The following PTPRN2 variants were observed in gnomAD, a reference collection of about 807,000 sequenced individuals.
The protein encoded by PTPRN2 is protein tyrosine phosphatase receptor type N2, also known as receptor-type tyrosine-protein phosphatase N2.
In PTPRN2, 74 loss-of-function variants were observed where a neutral mutation model predicts 118.8. The ratio of observed to expected loss-of-function variants is 0.62; its 90% CI spans 0.52 to 0.76. The LOEUF (loss-of-function observed/expected upper bound fraction) is 0.76, where lower values mean the gene tolerates loss of function less well. Ranked by LOEUF, PTPRN2 falls within the 30% of genes least tolerant of loss-of-function variation. PTPRN2 has a pLI of 0.00. For missense variants in PTPRN2, 1,481 were observed against 1,394.4 expected (o/e 1.06, Z -0.99); for synonymous variants, 641 against 608.0 (o/e 1.05, Z -0.80).
chr7:158,450,935 GC>G (rs546882105), intron 2 of PTPRN2, among the ~76,000 whole-genome samples: 6 of 152,244 alleles, frequency 3.9e-5, no homozygotes, highest in African/African-American at 1.2e-4. Context: ...TGCTGTCCAA[GC>G]CCCCGAGGAG....
chr7:157,955,300 T>A (rs1362403648), intron 11 of PTPRN2, among the ~76,000 whole-genome samples: 1 of 152,118 alleles, frequency 6.6e-6, no homozygotes, highest in East Asian at 1.9e-4. Context: ...AGAAAAGCAA[T>A]TCCAAGGAAC....
chr7:157,851,985 A>G (rs1809310907), intron 12 of PTPRN2, among the ~76,000 whole-genome samples: 1 of 152,208 alleles, frequency 6.6e-6, no homozygotes, highest in African/African-American at 2.4e-5. Context: ...TGTTACTCAA[A>G]TAACCACCCG....
Position 157,868,641 on chromosome 7 carries a change from C to T in PTPRN2, c.1788+30032G>A, listed in dbSNP as rs912845260. The T allele has an allele frequency of 2.6e-5, 4 of 152,228 alleles. No individual in the cohort carries two copies. The highest frequency in any genetic ancestry group is 5.9e-5 in the Non-Finnish European group (4 of 68,042). 9.4% of individuals were successfully genotyped at this position (152,228 alleles called of 1,614,324 possible). On this transcript the variant is annotated intron_variant, in intron 12 of 22. Coordinates refer to ENST00000389418, the MANE Select transcript of PTPRN2 (RefSeq NM_002847.5). This position sits in a 1 kb window ranked among gnomAD's most constrained non-coding sequence, Gnocchi z 5.2. Reference sequence around the variant, plus strand: ...GACTGGCCGGGGAAATAACTCTGAGCCCTCGAGATGAGGGGCTATGCCTTC... The same window carrying T: ...GACTGGCCGGGGAAATAACTCTGAGTCCTCGAGATGAGGGGCTATGCCTTC...
intron 11 of PTPRN2, among the ~76,000 whole-genome samples, chr7:157,992,276 C>T (rs192005608): frequency 6.6e-6 from 1 of 152,368 alleles, no homozygotes; most frequent in Admixed American, 6.5e-5. Flanking sequence ...TAAACGTGAT[C>T]AAAGACTGCA....
Position 157,548,949 on chromosome 7 carries a change from C to T in PTPRN2, c.2973G>A (p.Thr991=), listed in dbSNP as rs200754252. ...CCGGAGGAGAGACTGACAGTACCTTCGTCTGGACCATGCCGGGTCTCTGGT... is the reference window on the plus strand; with the variant it reads ...CCGGAGGAGAGACTGACAGTACCTTTGTCTGGACCATGCCGGGTCTCTGGT... The part of the protein sequence containing the change: ...LRDQRPGMVQ[T]KEQFEFALTA... The change falls in exon 22 of 23, where the codon ACG becomes ACA. Residue 991 remains threonine, a synonymous_variant. Coordinates refer to ENST00000389418, the MANE Select transcript of PTPRN2 (RefSeq NM_002847.5). 6.6e-5 allele frequency: 107 copies of T among 1,613,966 alleles called. No individual in the cohort carries two copies. The highest frequency in any genetic ancestry group is 1.3e-4 in the African/African-American group (10 of 74,932).
At chr7:157,994,554 G>T (rs56070667) in intron 11 of PTPRN2, among the ~76,000 whole-genome samples, 84,873 of 112,946 alleles carry the variant, frequency 0.75, 32,121 homozygotes, top group East Asian at 0.82. Context: ...CCTAAAATCA[G>T]CACCGCGTCC....
In PTPRN2 at chr7:157,939,230, A is replaced by C. The variant is rs372399338; in HGVS notation, c.1724-40493T>G. ...GTAAAGCACGCAGGTCCCCACCTCA[A>C]TAGCGAGGTTTCCAGTATCCAAATT... On this transcript the variant is annotated intron_variant, in intron 11 of 22. Transcript: ENST00000389418. Among the ~76,000 whole-genome samples the C allele has an allele frequency of 3.1e-4, 47 of 152,368 alleles. No homozygotes were observed. In the East Asian group the frequency reaches 6.4e-3, roughly 21 times the overall value.
intron 12 of PTPRN2, among the ~76,000 whole-genome samples, chr7:157,749,253 C>T (rs1466057444): frequency 7.3e-6 from 1 of 136,220 alleles, no homozygotes; most frequent in Non-Finnish European, 1.5e-5. Context: ...GATTCTGAGG[C>T]GTGCGTCCCT....
chr7:158,066,359 AG>A (rs1296532902), intron 11 of PTPRN2, among the ~76,000 whole-genome samples: 1 of 152,204 alleles, frequency 6.6e-6, no homozygotes, highest in African/African-American at 2.4e-5. Flanking sequence ...TGCCAGGCTC[AG>A]GGCCAGGGCC....
At chr7:157,891,772 C>T (rs1015392) in intron 12 of PTPRN2, among the ~76,000 whole-genome samples, 9 of 152,142 alleles carry the variant, frequency 5.9e-5, no homozygotes, top group South Asian at 4.1e-4. Context: ...GTGAGGGTAG[C>T]GTGAGCTGAG....
At chr7:158,149,838 C>A (rs1370463381) in intron 6 of PTPRN2, among the ~76,000 whole-genome samples, 1 of 151,066 alleles carries the variant, frequency 6.6e-6, no homozygotes, top group Non-Finnish European at 1.5e-5. Context: ...AGTGATGTCT[C>A]TTGAAAAAAC....
intron 5 of PTPRN2, among the ~76,000 whole-genome samples, chr7:158,178,874 G>A (rs1236359085): frequency 1.3e-5 from 2 of 152,128 alleles, no homozygotes; most frequent in Admixed American, 1.3e-4. Flanking sequence ...TATGATTATA[G>A]GCGTGAGCCA....
intron 2 of PTPRN2, among the ~76,000 whole-genome samples, chr7:158,485,054 G>A (rs1820907800): frequency 6.6e-6 from 1 of 152,102 alleles, no homozygotes; most frequent in Non-Finnish European, 1.5e-5. Flanking sequence ...CACCTGCGGA[G>A]GGAAGGCAGA....
At chr7:158,280,237 A>G (rs1423540878) in intron 3 of PTPRN2, among the ~76,000 whole-genome samples, 1 of 152,204 alleles carries the variant, frequency 6.6e-6, no homozygotes, top group African/African-American at 2.4e-5. Context: ...CCCGGGCCCA[A>G]TCGGAAAGCA....
Position 158,003,278 on chromosome 7 carries a change from T to C in PTPRN2, c.1723+78020A>G, listed in dbSNP as rs557635474. Among the ~76,000 whole-genome samples, 1,789 of 151,612 alleles carry C rather than the reference T, an allele frequency of 0.012. 22 individuals are homozygous for C. Among genetic ancestry groups the C allele is most frequent in the Non-Finnish European group, 0.02 (1,343 of 67,834 alleles). ...AAATACAAAAAATTAGCCGGGCGTGTTGGCGGGCGCCTGTAGTCCCAGCTA... is the reference window on the plus strand; with the variant it reads ...AAATACAAAAAATTAGCCGGGCGTGCTGGCGGGCGCCTGTAGTCCCAGCTA... On this transcript the variant is annotated intron_variant, in intron 11 of 22. Coordinates refer to ENST00000389418, the MANE Select transcript of PTPRN2 (RefSeq NM_002847.5). This position sits in a 1 kb window ranked among gnomAD's most constrained non-coding sequence, Gnocchi z 5.0.
At chr7:157,551,849 C>T (rs1422424829) in intron 21 of PTPRN2, among the ~76,000 whole-genome samples, 2 of 146,422 alleles carry the variant, frequency 1.4e-5, no homozygotes, top group Non-Finnish European at 3.0e-5. Context: ...ACACACCCCA[C>T]AGCCAGCACG....
intron 14 of PTPRN2, among the ~76,000 whole-genome samples, chr7:157,641,417 C>A (rs1316590479): frequency 6.6e-6 from 1 of 152,162 alleles, no homozygotes; most frequent in Non-Finnish European, 1.5e-5. Context: ...ACTTACTTGG[C>A]AACATGGTTT....
rs1826257117 is a variant in PTPRN2, at chr7:158,546,058, C to T, written c.112+41500G>A. ...CAAAATTCCAGGAGGTAATTTACCT[C>T]CAGCAAGGGCTGGAGACCAAAAAAA... On this transcript the variant is annotated intron_variant, in intron 1 of 22. Coordinates refer to ENST00000389418, the MANE Select transcript of PTPRN2 (RefSeq NM_002847.5). This position sits in a 1 kb window ranked among gnomAD's most constrained non-coding sequence, Gnocchi z 5.0. 6.6e-6 allele frequency among the ~76,000 whole-genome samples: 1 copy of T among 152,210 alleles called. No homozygotes were observed. Among genetic ancestry groups the T allele is most frequent in the South Asian group, 2.1e-4 (1 of 4,830 alleles).
intron 11 of PTPRN2, among the ~76,000 whole-genome samples, chr7:158,049,478 A>G (rs1809165042): frequency 6.6e-6 from 1 of 152,194 alleles, no homozygotes; most frequent in African/African-American, 2.4e-5. Context: ...ACAGGCCTGA[A>G]GCCAGGACTC....
Sources: gnomAD v4.1 joint callset for allele counts (sites outside exome capture counted in the v4.1 genomes callset) on GRCh38, gnomAD v4.1.1 for gene constraint, Gnocchi (gnomAD v3.1) non-coding constraint, MANE v1.5 for transcripts, NCBI Gene and HGNC (gene_info 2026-07-23, HGNC 2026-07-21) for gene names.